The following KCTD1 variants were observed in gnomAD, a reference collection of about 807,000 sequenced individuals.
The protein encoded by KCTD1 is potassium channel tetramerization domain containing 1.
In KCTD1, 24 loss-of-function variants were observed where a neutral mutation model predicts 66.0. That is an observed-to-expected ratio of 0.36 (90% confidence interval 0.26 to 0.51). The LOEUF (loss-of-function observed/expected upper bound fraction) is 0.51. Among genes scored for constraint, KCTD1 ranks in the 20% least tolerant of loss-of-function variants. KCTD1 has a pLI of 0.95. For missense variants in KCTD1, 943 were observed against 1,205.2 expected (o/e 0.78, Z 3.22); for synonymous variants, 511 against 517.2 (o/e 0.99, Z 0.16).
At chr18:26,560,470 C>T (rs556720664) in intron 1 of KCTD1, among the ~76,000 whole-genome samples, 2 of 152,228 alleles carry the variant, frequency 1.3e-5, no homozygotes, top group Non-Finnish European at 2.9e-5. Flanking sequence ...AATACTGATA[C>T]CCAGATCCTT....
intron 1 of KCTD1, among the ~76,000 whole-genome samples, chr18:26,506,445 T>C (rs1022020330): frequency 2.6e-5 from 4 of 152,094 alleles, no homozygotes; most frequent in African/African-American, 9.7e-5. Context: ...TAACAAACAC[T>C]GGGAGGTTGG....
rs143299522 is a variant in KCTD1 at position 26,548,258 on chromosome 18, TTCCTCC to T, written c.273_278del (p.Glu95_Glu96del). On this transcript the variant is annotated inframe_deletion, in exon 1 of 5. Coordinates refer to ENST00000580059, the MANE Select transcript of KCTD1 (RefSeq NM_001142730.3). ...CCCAGTCCAGCCCCATCTCCTCCTCTTCCTCCTCCTCCTCGTCCTCCTCCAGCCCCC... is the reference window on the plus strand; with the variant it reads ...CCCAGTCCAGCCCCATCTCCTCCTCTTCCTCCTCGTCCTCCTCCAGCCCCC... 6 of 1,508,178 alleles carry T rather than the reference TTCCTCC, an allele frequency of 4.0e-6. No homozygotes were observed. In the Middle Eastern group the frequency reaches 6.6e-4, roughly 165 times the overall value. The allele number at this position is 1,508,178 out of a possible 1,614,324, so 93.4% of individuals were successfully genotyped here.
intron 1 of KCTD1, among the ~76,000 whole-genome samples, chr18:26,579,045 G>A: frequency 6.7e-6 from 1 of 148,512 alleles, no homozygotes; most frequent in East Asian, 2.0e-4. Context: ...TACCTGTTTT[G>A]TTTTTTTTTT....
chr18:26,466,404 G>A (rs1980735451), intron 3 of KCTD1, among the ~76,000 whole-genome samples: 1 of 152,240 alleles, frequency 6.6e-6, no homozygotes, highest in Admixed American at 6.5e-5. Flanking sequence ...AGCGCTTCCT[G>A]TCAATACTCC....
intron 1 of KCTD1, among the ~76,000 whole-genome samples, chr18:26,593,336 AGAGGAGGAAGAG>A (rs1986657676): frequency 8.7e-6 from 1 of 115,316 alleles, no homozygotes; most frequent in African/African-American, 3.3e-5. Context: ...AGGAGGAGGA[AGAGGAGGAAGAG>A]GAGGAGGAGG....
At chr18:26,570,840 G>A (rs531877305) in intron 1 of KCTD1, among the ~76,000 whole-genome samples, 1 of 152,346 alleles carries the variant, frequency 6.6e-6, no homozygotes, top group South Asian at 2.1e-4. Flanking sequence ...TCTATACCCT[G>A]AGTGTAATTC....
chr18:26,569,124 C>A (rs1986047282), intron 1 of KCTD1, among the ~76,000 whole-genome samples: 1 of 152,084 alleles, frequency 6.6e-6, no homozygotes, highest in Non-Finnish European at 1.5e-5. Context: ...GGTTACAAAG[C>A]ACTTTTACGT....
At chr18:26,550,399 T>C (rs549560584), upstream of KCTD1, among the ~76,000 whole-genome samples, 71 of 151,472 alleles carry the variant, frequency 4.7e-4, no homozygotes, top group South Asian at 0.014. This position sits in a 1 kb window ranked among gnomAD's most constrained non-coding sequence, Gnocchi z 5.4. Flanking sequence ...TGAGTGGGAG[T>C]TGACGATGTC....
At chr18:26,596,710 G>A (rs1986773649) in intron 1 of KCTD1, among the ~76,000 whole-genome samples, 1 of 152,216 alleles carries the variant, frequency 6.6e-6, no homozygotes, top group Non-Finnish European at 1.5e-5. Context: ...CAATTTACAA[G>A]GTTTTTGTGA....
At chr18:26,498,500 C>T (rs902093116) in intron 2 of KCTD1, among the ~76,000 whole-genome samples, 6 of 149,800 alleles carry the variant, frequency 4.0e-5, no homozygotes, top group African/African-American at 1.5e-4. Context: ...TCAAAAGAAA[C>T]AAGTAAAATT....
intron 2 of KCTD1, among the ~76,000 whole-genome samples, chr18:26,499,623 G>C (rs1479072697): frequency 1.3e-5 from 2 of 152,154 alleles, no homozygotes; most frequent in Admixed American, 1.3e-4. Context: ...GTAATGGAGT[G>C]AGATTTTAAA....
chr18:26,529,683 C>G (rs945185770), intron 1 of KCTD1, among the ~76,000 whole-genome samples: 1 of 152,216 alleles, frequency 6.6e-6, no homozygotes, highest in Non-Finnish European at 1.5e-5. Context: ...ACATTCTTTA[C>G]ATTTAAAATA....
At chr18:26,569,044 CA>C (rs564408186) in intron 1 of KCTD1, among the ~76,000 whole-genome samples, 126 of 152,174 alleles carry the variant, frequency 8.3e-4, no homozygotes, top group African/African-American at 3.0e-3. Context: ...AGCATTTTAA[CA>C]AAAGGACTGA....
At chr18:26,647,034 C>T (rs1355207522) in intron 1 of KCTD1, among the ~76,000 whole-genome samples, 1 of 152,152 alleles carries the variant, frequency 6.6e-6, no homozygotes, top group Admixed American at 6.5e-5. Context: ...TCTTGAACTC[C>T]TGTGGCTATT....
chr18:26,471,788 T>C (rs949031308), intron 3 of KCTD1, among the ~76,000 whole-genome samples: 3 of 152,174 alleles, frequency 2.0e-5, no homozygotes, highest in Non-Finnish European at 4.4e-5. Flanking sequence ...AAATTAAAAG[T>C]TGAATTTTTT....
chr18:26,458,917 T>G (rs1392731958), intron 4 of KCTD1: 2 of 152,232 alleles, frequency 1.3e-5, no homozygotes, highest in African/African-American at 2.4e-5. Flanking sequence ...ACGAGTTCTG[T>G]CAGTTCTCCC....
chr18:26,543,606 TC>T (rs1286169201), intron 1 of KCTD1: 2 of 152,278 alleles, frequency 1.3e-5, no homozygotes, highest in Admixed American at 1.3e-4. Context: ...TGCTGCAGTT[TC>T]CACTCTGCTA....
intron 1 of KCTD1, among the ~76,000 whole-genome samples, chr18:26,656,076 G>A (rs1052188135): frequency 4.6e-5 from 7 of 152,208 alleles, no homozygotes; most frequent in East Asian, 3.9e-4. Flanking sequence ...GAGGAGGAAA[G>A]AGGTCAGAAA....
intron 1 of KCTD1, among the ~76,000 whole-genome samples, chr18:26,619,576 G>A (rs1047476616): frequency 3.3e-5 from 5 of 152,160 alleles, no homozygotes; most frequent in Admixed American, 2.0e-4. Context: ...GTGTTTGGGG[G>A]ATGCTGGCTG....
Sources: allele counts gnomAD v4.1 joint callset (sites outside exome capture counted in the v4.1 genomes callset), GRCh38; gene constraint gnomAD v4.1.1; non-coding constraint Gnocchi (gnomAD v3.1); transcripts MANE v1.5; gene names NCBI Gene and HGNC (gene_info 2026-07-23, HGNC 2026-07-21).